The following FHIP1A variants were observed in gnomAD, a reference collection of about 807,000 sequenced individuals.
FHIP1A encodes FHF complex subunit HOOK-interacting protein 1A.
FHIP1A carries 61 observed loss-of-function variants against 88.6 expected under a neutral mutation model. The ratio of observed to expected loss-of-function variants is 0.69; its 90% CI spans 0.56 to 0.85. FHIP1A has a LOEUF of 0.85. FHIP1A is among the 40% of genes least tolerant of loss of function. The pLI, the probability that FHIP1A is intolerant of heterozygous loss-of-function variation, is 0.00. For missense variants in FHIP1A, 1,154 were observed against 1,273.5 expected, an observed-to-expected ratio of 0.91 and a Z score of 1.43; for synonymous variants, 478 against 496.0, an observed-to-expected ratio of 0.96 and a Z score of 0.48.
intron 3 of FHIP1A, chr4:151,534,587 A>T (rs1002286558): frequency 4.6e-5 from 7 of 152,212 alleles, no homozygotes; most frequent in African/African-American, 1.7e-4. Context: ...GGTCTGTCAA[A>T]ATTCTGCAAT....
At chr4:151,560,812 AATAC>A (rs1733146315) in intron 3 of FHIP1A, among the ~76,000 whole-genome samples, 1 of 152,124 alleles carries the variant, frequency 6.6e-6, no homozygotes, top group South Asian at 2.1e-4. Context: ...TAAATTTCAA[AATAC>A]ATAATTTTTA....
At position 151,656,961 on chromosome 4, in the gene FHIP1A, GCCT is replaced by G; in HGVS notation, c.2869+65_2869+67del. 6.8e-7 allele frequency: 1 copy of G among 1,476,136 alleles called. No individual in the cohort carries two copies. 91.4% of individuals were successfully genotyped at this position (1,476,136 alleles called of 1,614,324 possible). Reference sequence around the variant, plus strand: ...CCTCCTCCACGTCCCTGGCCTACTGGCCTCAGTTCACAGATGCTGCACTGGCTT... The same window carrying G: ...CCTCCTCCACGTCCCTGGCCTACTGGCAGTTCACAGATGCTGCACTGGCTT... On this transcript the variant is annotated intron_variant, in intron 13 of 13. Transcript: ENST00000435205. The surrounding 1 kb of genome is among the most constrained non-coding windows in gnomAD (Gnocchi z 4.2).
chr4:151,417,272 TACTTGATATAC>T (rs1362848300), intron 1 of FHIP1A, among the ~76,000 whole-genome samples: 1 of 152,154 alleles, frequency 6.6e-6, no homozygotes, highest in East Asian at 1.9e-4. Context: ...TCCCATTGGT[TACTTGATATAC>T]ACCCTATGTA....
chr4:151,424,965 G>A (rs968409935), intron 1 of FHIP1A, among the ~76,000 whole-genome samples: 4 of 152,140 alleles, frequency 2.6e-5, no homozygotes, highest in African/African-American at 9.7e-5. Context: ...TTTAGAGAAT[G>A]GACATCAGTA....
intron 3 of FHIP1A, among the ~76,000 whole-genome samples, chr4:151,516,450 T>C (rs1434631544): frequency 6.6e-6 from 1 of 151,832 alleles, no homozygotes; most frequent in Non-Finnish European, 1.5e-5. Flanking sequence ...AATTGACAAA[T>C]GGGATCTAAT....
chr4:151,502,155 A>G (rs1036794741), intron 3 of FHIP1A, among the ~76,000 whole-genome samples: 2 of 119,894 alleles, frequency 1.7e-5, no homozygotes, highest in African/African-American at 3.1e-5. Context: ...GTCTCTACAA[A>G]AGAAAAAAAA....
chr4:151,627,548 T>A (rs1735998845), intron 7 of FHIP1A, among the ~76,000 whole-genome samples: 1 of 152,246 alleles, frequency 6.6e-6, no homozygotes. Flanking sequence ...CTGTTTGGAA[T>A]GATTATGCAA....
At chr4:151,444,226 T>C (rs1349119093) in intron 1 of FHIP1A, among the ~76,000 whole-genome samples, 1 of 152,154 alleles carries the variant, frequency 6.6e-6, no homozygotes, top group African/African-American at 2.4e-5. Flanking sequence ...TTTTGTTCTT[T>C]GATGTTTCTC....
intron 1 of FHIP1A, among the ~76,000 whole-genome samples, chr4:151,444,704 C>G (rs1309033753): frequency 6.6e-6 from 1 of 151,876 alleles, no homozygotes; most frequent in African/African-American, 2.4e-5. Flanking sequence ...TCTGTTGTAC[C>G]TTGCTCTTTT....
chr4:151,509,802 T>G (rs928266980), intron 3 of FHIP1A, among the ~76,000 whole-genome samples: 3 of 151,966 alleles, frequency 2.0e-5, no homozygotes, highest in Non-Finnish European at 4.4e-5. Flanking sequence ...TATATATACA[T>G]TTAAAGAAAT....
chr4:151,476,217 C>T (rs1367773275), intron 2 of FHIP1A, among the ~76,000 whole-genome samples: 1 of 147,170 alleles, frequency 6.8e-6, no homozygotes, highest in African/African-American at 2.5e-5. Flanking sequence ...TCATGGCTCA[C>T]TGTGGCCTCA....
At position 151,646,741 on chromosome 4, in the gene FHIP1A, C is replaced by T. The variant is rs192710881; in HGVS notation, c.1410C>T (p.Asp470=). 210 of 1,546,584 alleles carry T rather than the reference C, an allele frequency of 1.4e-4. No homozygotes were observed. The Middle Eastern group carries it at 2.0e-3, about 15-fold the overall frequency. The change falls in exon 10 of 14, where the codon GAC becomes GAT. Residue 470 remains aspartate, a synonymous_variant. Coordinates refer to ENST00000435205, the MANE Select transcript of FHIP1A (RefSeq NM_001109977.3). The part of the protein sequence containing the change: ...DYILWSKCMH[D]TSGPVERPFP... ...TTCTCTGGTCAAAGTGTATGCATGA[C>T]ACTTCAGGTAGGAACTCGCTAGTGA...
chr4:151,631,610 A>G (rs1736160897), intron 8 of FHIP1A, among the ~76,000 whole-genome samples: 1 of 152,144 alleles, frequency 6.6e-6, no homozygotes, highest in Non-Finnish European at 1.5e-5. Context: ...CCCACTTAAC[A>G]AAAATTTATG....
chr4:151,546,838 TG>T (rs1732521142), intron 3 of FHIP1A, among the ~76,000 whole-genome samples: 1 of 152,194 alleles, frequency 6.6e-6, no homozygotes, highest in South Asian at 2.1e-4. Context: ...TCTCAAAAAA[TG>T]TTTTCTGCTA....
At chr4:151,563,332 T>G (rs1200078415) in intron 3 of FHIP1A, among the ~76,000 whole-genome samples, 2 of 152,144 alleles carry the variant, frequency 1.3e-5, no homozygotes, top group Non-Finnish European at 1.5e-5. Flanking sequence ...TGTTGGTGGT[T>G]TTTTTGAAGA....
chr4:151,636,606 A>T (rs939751966), intron 8 of FHIP1A, among the ~76,000 whole-genome samples: 35 of 152,210 alleles, frequency 2.3e-4, no homozygotes, highest in African/African-American at 6.5e-4. Context: ...AAAGAATAAA[A>T]TATGAATAAA....
chr4:151,479,716 C>G (rs1348772435), intron 2 of FHIP1A, among the ~76,000 whole-genome samples: 1 of 151,974 alleles, frequency 6.6e-6, no homozygotes, highest in Non-Finnish European at 1.5e-5. Context: ...TGGAGAAATC[C>G]ATGATGTGGA....
chr4:151,577,624 T>A lies in FHIP1A; in HGVS notation c.280T>A (p.Ser94Thr). The change falls in exon 5 of 14, where the codon TCT becomes ACT. Residue 94 changes from serine (S) to threonine (T), a missense_variant. By Grantham distance (58) the Ser-to-Thr change is moderately conservative (BLOSUM62 1). Transcript: ENST00000435205. ...AMGPILEFVV[S>T]ENIMEKLFLW... ...GGGGCCGATTCTGGAATTTGTGGTC[T>A]CTGAGAACATCATGGAGAAACTTTT... 6.4e-7 allele frequency: 1 copy of A among 1,551,880 alleles called. No individual in the cohort carries two copies. The highest frequency in any genetic ancestry group is 8.7e-7 in the Non-Finnish European group (1 of 1,147,002).
rs140958477 is a variant in FHIP1A, at chr4:151,625,215, C to T, written c.979-4487C>T. 4.4e-3 allele frequency among the ~76,000 whole-genome samples: 671 copies of T among 152,256 alleles called. 2 individuals are homozygous for T. The highest frequency in any genetic ancestry group is 6.8e-3 in the Middle Eastern group (2 of 292). ...AGTGGGAGCTTCACTCTGGTTGGAC[C>T]CACTGGGGCTGATGACTCACTGATA... is the stretch of plus-strand genomic sequence containing the variant. On this transcript the variant is annotated intron_variant, in intron 7 of 13. Coordinates refer to ENST00000435205, the MANE Select transcript of FHIP1A (RefSeq NM_001109977.3).
Sources: gnomAD v4.1 joint callset for allele counts (sites outside exome capture counted in the v4.1 genomes callset) on GRCh38, gnomAD v4.1.1 for gene constraint, Gnocchi (gnomAD v3.1) non-coding constraint, MANE v1.5 for transcripts, NCBI Gene and HGNC (gene_info 2026-07-23, HGNC 2026-07-21) for gene names.